Variants in TMEM123 observed in about 807,000 individuals in gnomAD.
TMEM123 encodes the protein porimin.
Under a neutral mutation model 19.7 loss-of-function variants are expected in TMEM123, and 16 were observed. The observed-to-expected ratio is 0.81, with a 90% CI of 0.55 to 1.23. TMEM123 has a LOEUF of 1.23. TMEM123 is among the 50% of genes most tolerant of loss of function. TMEM123 has a pLI of 0.00. For synonymous variants in TMEM123, 118 were observed against 99.4 expected, an observed-to-expected ratio of 1.19 and a Z score of -1.12; for missense variants, 313 against 257.8, an observed-to-expected ratio of 1.21 and a Z score of -1.47.
intron 2 of TMEM123, among the ~76,000 whole-genome samples, chr11:102,431,233 C>T (rs984610853): frequency 5.3e-5 from 8 of 152,038 alleles, no homozygotes; most frequent in African/African-American, 7.2e-5. Flanking sequence ...AATGTGGAAT[C>T]GCTAAATAAA....
intron 1 of TMEM123, chr11:102,452,049 T>C (rs1452802386): frequency 6.6e-6 from 1 of 152,492 alleles, no homozygotes; most frequent in Non-Finnish European, 1.5e-5. Flanking sequence ...ATCTGGATAA[T>C]ACTGCATAAT....
rs531569564 is a variant in TMEM123, at chr11:102,451,438, A to G, written c.100+1086T>C. The stretch of plus-strand genomic sequence containing the variant: ...CAAAAAAACTTCAGCAAAACAAAGA[A>G]AAATTGTTAATTCACCCAGGTTATT... On this transcript the variant is annotated intron_variant, in intron 1 of 4. Transcript: ENST00000398136. Among the ~76,000 whole-genome samples, 4 of 152,386 alleles carry G rather than the reference A, an allele frequency of 2.6e-5. No homozygotes were observed. In the East Asian group the frequency reaches 7.7e-4, roughly 29 times the overall value.
chr11:102,406,860 G>A (rs746129190), intron 2 of TMEM123, among the ~76,000 whole-genome samples: 51 of 147,922 alleles, frequency 3.4e-4, no homozygotes, highest in Non-Finnish European at 6.4e-4. Flanking sequence ...AACAGAGCGA[G>A]GCTCCGTCAA....
At chr11:102,422,684 C>T (rs1242657366) in intron 2 of TMEM123, among the ~76,000 whole-genome samples, 3 of 152,118 alleles carry the variant, frequency 2.0e-5, no homozygotes, top group Admixed American at 2.0e-4. Context: ...TAATACCGTG[C>T]TTTTCATACA....
chr11:102,425,576 C>CTT (rs1449259388), intron 2 of TMEM123, among the ~76,000 whole-genome samples: 4 of 126,390 alleles, frequency 3.2e-5, no homozygotes, highest in African/African-American at 3.0e-5. Context: ...TTTTTTTTTT[C>CTT]TTTTTTCTTT....
In TMEM123 at chr11:102,438,053, TTTATTA is replaced by T. The variant is rs148927840; in HGVS notation, c.157+10753_157+10758del. ...GCAGATAGGTGTTTTACCCTGTTTA[TTTATTA>T]TTATTATTTTTTGAGACAAAGTCTT... On this transcript the variant is annotated intron_variant, in intron 2 of 4. Coordinates refer to ENST00000398136, the MANE Select transcript of TMEM123 (RefSeq NM_052932.3). Among the ~76,000 whole-genome samples, 26 of 152,170 alleles carry T rather than the reference TTTATTA, an allele frequency of 1.7e-4. No homozygotes were observed. The East Asian group carries it at 4.6e-3, about 27-fold the overall frequency.
At chr11:102,429,916 AC>A (rs1952161338) in intron 2 of TMEM123, among the ~76,000 whole-genome samples, 1 of 152,134 alleles carries the variant, frequency 6.6e-6, no homozygotes, top group Admixed American at 6.5e-5. Flanking sequence ...GGCCTGAACA[AC>A]CCGAGCATCT....
intron 2 of TMEM123, among the ~76,000 whole-genome samples, chr11:102,416,736 AC>A (rs754599564): frequency 1.3e-5 from 2 of 152,174 alleles, no homozygotes; most frequent in Non-Finnish European, 1.5e-5. Context: ...AAACATAGAT[AC>A]AAAAATCCTC....
intron 2 of TMEM123, among the ~76,000 whole-genome samples, chr11:102,408,966 T>C (rs568827335): frequency 6.6e-6 from 1 of 152,332 alleles, no homozygotes; most frequent in Non-Finnish European, 1.5e-5. Context: ...TCCGACTATC[T>C]CTGCTGTGTT....
chr11:102,428,066 CATGGAGTCTAGA>C (rs1952144737), intron 2 of TMEM123, among the ~76,000 whole-genome samples: 2 of 152,100 alleles, frequency 1.3e-5, no homozygotes, highest in Non-Finnish European at 2.9e-5. Flanking sequence ...CCAGGCCATG[CATGGAGTCTAGA>C]GAGGTCTGAA....
At chr11:102,415,853 T>A (rs1347800850) in intron 2 of TMEM123, among the ~76,000 whole-genome samples, 3 of 152,136 alleles carry the variant, frequency 2.0e-5, no homozygotes, top group African/African-American at 7.2e-5. Context: ...AATTGAGATG[T>A]GAAAAAACAT....
intron 2 of TMEM123, among the ~76,000 whole-genome samples, chr11:102,408,900 G>C (rs1203331606): frequency 6.6e-6 from 1 of 152,198 alleles, no homozygotes; most frequent in African/African-American, 2.4e-5. Flanking sequence ...AGGACACTGT[G>C]AAGCAGTCCA....
intron 2 of TMEM123, among the ~76,000 whole-genome samples, chr11:102,444,749 G>A (rs1857864266): frequency 6.6e-6 from 1 of 151,966 alleles, no homozygotes; most frequent in Non-Finnish European, 1.5e-5. Context: ...ATTCACAATA[G>A]CAAAGACTTG....
intron 2 of TMEM123, among the ~76,000 whole-genome samples, chr11:102,432,765 G>A (rs577048103): frequency 6.6e-6 from 1 of 152,334 alleles, no homozygotes; most frequent in Admixed American, 6.5e-5. Context: ...GGTTTCCTGG[G>A]CCAGGCCCAG....
chr11:102,424,423 C>T (rs567867667), intron 2 of TMEM123, among the ~76,000 whole-genome samples: 14 of 152,294 alleles, frequency 9.2e-5, no homozygotes, highest in South Asian at 2.1e-4. Context: ...CAGTGGCTCA[C>T]GCCTATAATC....
At chr11:102,416,043 T>A (rs1320827729) in intron 2 of TMEM123, among the ~76,000 whole-genome samples, 2 of 152,146 alleles carry the variant, frequency 1.3e-5, no homozygotes, top group African/African-American at 2.4e-5. Context: ...GCCTCCCAAG[T>A]ACCTGGGACT....
intron 2 of TMEM123, among the ~76,000 whole-genome samples, chr11:102,443,859 TCAAA>T (rs1395049940): frequency 1.3e-5 from 2 of 151,498 alleles, no homozygotes; most frequent in East Asian, 3.9e-4. Context: ...AAGAAAAAAA[TCAAA>T]CAACCCCATG....
intron 2 of TMEM123, among the ~76,000 whole-genome samples, chr11:102,442,781 G>A (rs964142544): frequency 3.3e-5 from 5 of 152,178 alleles, no homozygotes; most frequent in Admixed American, 6.5e-5. Flanking sequence ...TGACATGATT[G>A]TATATTTAGA....
chr11:102,426,739 G>A (rs1380878830), intron 2 of TMEM123, among the ~76,000 whole-genome samples: 2 of 151,378 alleles, frequency 1.3e-5, no homozygotes, highest in African/African-American at 2.4e-5. Flanking sequence ...AACCAAGTAA[G>A]GTATGCAAAG....
Sources: allele counts gnomAD v4.1 joint callset (sites outside exome capture counted in the v4.1 genomes callset), GRCh38; gene constraint gnomAD v4.1.1; transcripts MANE v1.5; gene names NCBI Gene and HGNC (gene_info 2026-07-23, HGNC 2026-07-21).